Variants in SLC25A40 observed in about 807,000 individuals in gnomAD.
SLC25A40 encodes solute carrier family 25 member 40.
In SLC25A40, 41 loss-of-function variants were observed where a neutral mutation model predicts 46.5. That is an observed-to-expected ratio of 0.88 (90% CI 0.69 to 1.14). The LOEUF (loss-of-function observed/expected upper bound fraction) is 1.14. SLC25A40 is among the 50% of genes most tolerant of loss of function. The pLI is 0.00. For missense variants in SLC25A40, 386 were observed against 393.6 expected (o/e 0.98, Z 0.16); for synonymous variants, 126 against 127.5 (o/e 0.99, Z 0.08).
At chr7:87,846,666 T>C (rs930945046) in intron 8 of SLC25A40, among the ~76,000 whole-genome samples, 1 of 152,150 alleles carries the variant, frequency 6.6e-6, no homozygotes, top group Non-Finnish European at 1.5e-5. Flanking sequence ...AAATGACTTA[T>C]TTAGAATGTT....
intron 8 of SLC25A40, among the ~76,000 whole-genome samples, chr7:87,844,633 A>G (rs111330982): frequency 2.6e-5 from 4 of 152,244 alleles, no homozygotes; most frequent in African/African-American, 9.6e-5. Flanking sequence ...TTTTATATAT[A>G]TCCAAACCAA....
chr7:87,865,985 AGGTG>A (rs1236215491), intron 1 of SLC25A40, among the ~76,000 whole-genome samples: 1 of 151,984 alleles, frequency 6.6e-6, no homozygotes, highest in Non-Finnish European at 1.5e-5. Flanking sequence ...TGGGAAGCAG[AGGTG>A]GGAGGATCGC....
intron 1 of SLC25A40, among the ~76,000 whole-genome samples, chr7:87,869,270 A>AT (rs1402767160): frequency 1.3e-5 from 2 of 152,092 alleles, no homozygotes; most frequent in African/African-American, 2.4e-5. Context: ...TCATGCCTGT[A>AT]TTCCTAGCAC....
intron 4 of SLC25A40, among the ~76,000 whole-genome samples, chr7:87,855,774 T>C (rs1192091993): frequency 6.6e-6 from 1 of 152,216 alleles, no homozygotes; most frequent in East Asian, 1.9e-4. Flanking sequence ...AAAATATGGT[T>C]GCAATGCCAT....
intron 1 of SLC25A40, among the ~76,000 whole-genome samples, chr7:87,874,477 A>T (rs1482511348): frequency 1.3e-5 from 2 of 152,186 alleles, no homozygotes; most frequent in Non-Finnish European, 2.9e-5. Context: ...TCAAGATTAT[A>T]ATTTTTATCT....
rs1838231487 is a variant in SLC25A40, at chr7:87,834,388, T to A, written c.*1861A>T. ...ACACTTTTTGGTTGTTAGTATATTT[T>A]AAAAGTATTAATATTTCTTTTTACC... is the stretch of plus-strand genomic sequence containing the variant. On this transcript the variant is annotated 3_prime_UTR_variant, in exon 12 of 12. Transcript: ENST00000341119. 1 of 151,722 alleles carries A rather than the reference T, an allele frequency of 6.6e-6. No homozygotes were observed. The highest frequency in any genetic ancestry group is 2.4e-5 in the African/African-American group (1 of 41,400). The allele number at this position is 151,722 out of a possible 1,614,324, so 9.4% of individuals were successfully genotyped here.
chr7:87,861,536 C>T (rs558399386), intron 1 of SLC25A40, among the ~76,000 whole-genome samples: 1 of 152,096 alleles, frequency 6.6e-6, no homozygotes, highest in East Asian at 1.9e-4. Context: ...TAAACATATA[C>T]CATATTTCAT....
intron 1 of SLC25A40, among the ~76,000 whole-genome samples, chr7:87,872,618 A>G (rs1838911421): frequency 6.6e-6 from 1 of 152,162 alleles, no homozygotes; most frequent in Non-Finnish European, 1.5e-5. Flanking sequence ...CATCATTTCT[A>G]TTCAACAAAG....
Position 87,848,630 on chromosome 7 carries a change from T to TG in SLC25A40, c.333-654_333-653insC, listed in dbSNP as rs1473663485. ...AACTAGACATAAATTATAATTAACA[T>TG]CATCAGAATTACATACACTAATTTT... On this transcript the variant is annotated intron_variant, in intron 6 of 11. Coordinates refer to ENST00000341119, the MANE Select transcript of SLC25A40 (RefSeq NM_018843.4). Among the ~76,000 whole-genome samples the TG allele has an allele frequency of 2.2e-4, 33 of 152,328 alleles. No homozygotes were observed. In the East Asian group the frequency reaches 6.0e-3, roughly 28 times the overall value.
At chr7:87,861,005 G>A (rs1320266449) in intron 1 of SLC25A40, among the ~76,000 whole-genome samples, 2 of 152,120 alleles carry the variant, frequency 1.3e-5, no homozygotes, top group Admixed American at 1.3e-4. Flanking sequence ...TTTTTGGGAA[G>A]GGAGTGTAAG....
chr7:87,836,970 G>A (rs199748660), intron 10 of SLC25A40, 160 bp from the exon 11 acceptor site: 8 of 356,720 alleles, frequency 2.2e-5, no homozygotes, highest in African/African-American at 1.5e-4. Flanking sequence ...ATTTTTAATA[G>A]TTAGATTCAT....
intron 6 of SLC25A40, among the ~76,000 whole-genome samples, chr7:87,848,393 A>G (rs1838453717): frequency 6.6e-6 from 1 of 152,148 alleles, no homozygotes; most frequent in Middle Eastern, 3.2e-3. Flanking sequence ...ACAGAGCAAG[A>G]CTGTCTCTAA....
chr7:87,869,619 C>T (rs1424128829), intron 1 of SLC25A40, among the ~76,000 whole-genome samples: 9 of 151,500 alleles, frequency 5.9e-5, no homozygotes, highest in Non-Finnish European at 1.2e-4. Context: ...TTCCTTTACT[C>T]ACTAATTATT....
Position 87,858,604 on chromosome 7 carries a change from TA to T in SLC25A40, c.97+26del, listed in dbSNP as rs1161893224. 5.6e-6 allele frequency: 7 copies of T among 1,250,204 alleles called. No homozygotes were observed. The Admixed American group carries it at 1.0e-4, about 18-fold the overall frequency. 77.4% of individuals were successfully genotyped at this position (1,250,204 alleles called of 1,614,324 possible). ...AAGCACTGACTCATTCAAAGTTACA[TA>T]ATCTACATCAGTAACATAATTTTAC... On this transcript the variant is annotated intron_variant, in intron 3 of 11. Coordinates refer to ENST00000341119, the MANE Select transcript of SLC25A40 (RefSeq NM_018843.4).
At chr7:87,862,471 TC>T (rs1323276468) in intron 1 of SLC25A40, among the ~76,000 whole-genome samples, 2 of 152,124 alleles carry the variant, frequency 1.3e-5, no homozygotes, top group Non-Finnish European at 2.9e-5. Flanking sequence ...CATGAGCCCT[TC>T]TTGAGAAACA....
At chr7:87,853,276 A>G (rs1004868716) in intron 5 of SLC25A40, among the ~76,000 whole-genome samples, 1 of 152,242 alleles carries the variant, frequency 6.6e-6, no homozygotes, top group South Asian at 2.1e-4. Context: ...CCACAGTGAG[A>G]TATCTCTACA....
chr7:87,857,418 G>A (rs1212382879), intron 3 of SLC25A40, among the ~76,000 whole-genome samples: 2 of 152,186 alleles, frequency 1.3e-5, no homozygotes, highest in Admixed American at 1.3e-4. Flanking sequence ...TTCACCGTGA[G>A]AATGGCAAAG....
At chr7:87,872,284 T>C (rs2131026366) in intron 1 of SLC25A40, among the ~76,000 whole-genome samples, 1 of 152,334 alleles carries the variant, frequency 6.6e-6, no homozygotes, top group South Asian at 2.1e-4. Flanking sequence ...ATGAAATTTA[T>C]AGCATTACAT....
At chr7:87,849,333 T>A (rs1230051168) in intron 6 of SLC25A40, among the ~76,000 whole-genome samples, 3 of 152,202 alleles carry the variant, frequency 2.0e-5, no homozygotes, top group Non-Finnish European at 4.4e-5. Context: ...GAAGGTTTTT[T>A]GTATGTCTGA....
Sources: allele counts gnomAD v4.1 joint callset (sites outside exome capture counted in the v4.1 genomes callset), GRCh38; gene constraint gnomAD v4.1.1; transcripts MANE v1.5; gene names NCBI Gene and HGNC (gene_info 2026-07-23, HGNC 2026-07-21).